Variants in AUTS2 observed in about 807,000 individuals in gnomAD.
AUTS2 encodes the protein activator of transcription and developmental regulator AUTS2.
Under a neutral mutation model 112.4 loss-of-function variants are expected in AUTS2, and 17 were observed. That is an observed-to-expected ratio of 0.15 (90% CI 0.10 to 0.23). The LOEUF (loss-of-function observed/expected upper bound fraction) is 0.23, where lower values mean the gene tolerates loss of function less well. Ranked by LOEUF, AUTS2 falls within the 10% of genes least tolerant of loss-of-function variation. The probability of loss-of-function intolerance (pLI) is 1.00; values close to 1 mark genes in which losing one functional copy is unlikely to be tolerated. For synonymous variants in AUTS2, 751 were observed against 702.7 expected (o/e 1.07, Z -1.09); for missense variants, 1,510 against 1,701.6 (o/e 0.89, Z 1.98).
intron 5 of AUTS2, among the ~76,000 whole-genome samples, chr7:70,652,654 G>A (rs765223385): frequency 2.6e-5 from 4 of 152,196 alleles, no homozygotes; most frequent in Non-Finnish European, 5.9e-5. Context: ...AGAGGCTGAG[G>A]CAGGAGGATC....
At chr7:70,189,576 G>A (rs1562775451) in intron 4 of AUTS2, among the ~76,000 whole-genome samples, 1 of 152,180 alleles carries the variant, frequency 6.6e-6, no homozygotes, top group Non-Finnish European at 1.5e-5. Context: ...AATCAGTGTA[G>A]CCCTGTGAAA....
At chr7:70,276,682 T>C (rs1362441708) in intron 4 of AUTS2, among the ~76,000 whole-genome samples, 13 of 152,102 alleles carry the variant, frequency 8.5e-5, no homozygotes, top group Admixed American at 2.6e-4. Context: ...CCTGGCCCAA[T>C]TTTGTGACCA....
intron 6 of AUTS2, among the ~76,000 whole-genome samples, chr7:70,752,365 C>A (rs1788921526): frequency 6.6e-6 from 1 of 152,094 alleles, no homozygotes; most frequent in African/African-American, 2.4e-5. Context: ...TCCTTCATAC[C>A]TTATTTCTCC....
At position 70,144,212 on chromosome 7, in the gene AUTS2, T is replaced by C. The variant is rs528074685; in HGVS notation, c.660+9641T>C. On this transcript the variant is annotated intron_variant, in intron 4 of 18. Transcript: ENST00000342771. ...TACTTTTTCCTACCTTTGTGGAAAA[T>C]AGACTCAACTTTGCCAAGAGAACTT... is the stretch of plus-strand genomic sequence containing the variant. Among the ~76,000 whole-genome samples, 3 of 152,204 alleles carry C rather than the reference T, an allele frequency of 2.0e-5. No individual in the cohort carries two copies. The East Asian group carries it at 5.8e-4, about 29-fold the overall frequency.
At chr7:69,780,111 C>G (rs1261772721) in intron 1 of AUTS2, among the ~76,000 whole-genome samples, 2 of 152,136 alleles carry the variant, frequency 1.3e-5, no homozygotes, top group Non-Finnish European at 2.9e-5. Flanking sequence ...CCACTTTGGC[C>G]TCCCCAAATA....
chr7:70,366,765 G>A (rs1032310649), intron 4 of AUTS2, among the ~76,000 whole-genome samples: 2 of 152,140 alleles, frequency 1.3e-5, no homozygotes, highest in Admixed American at 1.3e-4. Flanking sequence ...TGTGGAGAAC[G>A]GAGAAACAAA....
chr7:70,535,706 C>T lies in AUTS2; in HGVS notation c.690+99925C>T, dbSNP rs74300627. Among the ~76,000 whole-genome samples the T allele has an allele frequency of 8.1e-4, 124 of 152,286 alleles. 2 individuals are homozygous for T. In the East Asian group the frequency reaches 0.023, roughly 28 times the overall value. Reference sequence around the variant, plus strand: ...CTGAGATTACAGGCGTGAGCCACTGCGCCCAGCCTGTTGTGTTGTTTTCAT... The same window carrying T: ...CTGAGATTACAGGCGTGAGCCACTGTGCCCAGCCTGTTGTGTTGTTTTCAT... On this transcript the variant is annotated intron_variant, in intron 5 of 18. Transcript: ENST00000342771.
intron 2 of AUTS2, among the ~76,000 whole-genome samples, chr7:70,084,697 TA>T (rs1803501771): frequency 6.6e-6 from 1 of 152,228 alleles, no homozygotes; most frequent in South Asian, 2.1e-4. Context: ...ATTCTGTTTA[TA>T]TCTTTTGCCA....
intron 5 of AUTS2, among the ~76,000 whole-genome samples, chr7:70,615,565 C>CTTGTTGTTGTTG (rs57037063): frequency 4.6e-4 from 69 of 148,590 alleles, no homozygotes; most frequent in East Asian, 2.0e-3. Flanking sequence ...AGATTTATGG[C>CTTGTTGTTGTTG]TTGTTGTTGT....
chr7:70,697,854 G>A (rs1292884503), intron 5 of AUTS2, among the ~76,000 whole-genome samples: 1 of 152,090 alleles, frequency 6.6e-6, no homozygotes, highest in Non-Finnish European at 1.5e-5. Flanking sequence ...TTATTTTCCA[G>A]AACATTAGTG....
rs573256063 is a variant in AUTS2 at position 70,310,335 on chromosome 7, A to G, written c.661-125417A>G. On this transcript the variant is annotated intron_variant, in intron 4 of 18. Transcript: ENST00000342771. ...TAAGAAATAAGTCAGCTGAGGCCGG[A>G]CGCGGTGGCTCACGCCTGTAATCCC... Among the ~76,000 whole-genome samples the G allele has an allele frequency of 7.9e-5, 12 of 152,028 alleles. No individual in the cohort carries two copies. The East Asian group carries it at 1.2e-3, about 15-fold the overall frequency.
intron 3 of AUTS2, among the ~76,000 whole-genome samples, chr7:70,120,557 G>T (rs529276131): frequency 6.6e-6 from 1 of 152,182 alleles, no homozygotes; most frequent in Admixed American, 6.5e-5. Flanking sequence ...TTTAATGTAA[G>T]ATCTCATTGA....
intron 2 of AUTS2, among the ~76,000 whole-genome samples, chr7:69,945,764 C>G (rs984353112): frequency 2.6e-5 from 4 of 152,100 alleles, no homozygotes; most frequent in African/African-American, 9.7e-5. Context: ...AAAGTTTGTA[C>G]CCTTTGATCA....
chr7:70,297,258 C>T (rs1380445533), intron 4 of AUTS2, among the ~76,000 whole-genome samples: 1 of 151,856 alleles, frequency 6.6e-6, no homozygotes, highest in African/African-American at 2.4e-5. Flanking sequence ...AAAGACTACT[C>T]TGTGGTCAAA....
chr7:70,376,025 A>T (rs1562921121), intron 4 of AUTS2, among the ~76,000 whole-genome samples: 1 of 152,114 alleles, frequency 6.6e-6, no homozygotes, highest in Admixed American at 6.5e-5. Context: ...TCGTTAAAAA[A>T]AAAAAAAAGA....
chr7:70,637,575 G>T (rs1188104801), intron 5 of AUTS2, among the ~76,000 whole-genome samples: 1 of 152,172 alleles, frequency 6.6e-6, no homozygotes, highest in Non-Finnish European at 1.5e-5. Flanking sequence ...CCAGGAAACT[G>T]GAGGAATATA....
At chr7:70,412,916 G>A (rs184483008) in intron 4 of AUTS2, among the ~76,000 whole-genome samples, 11 of 152,314 alleles carry the variant, frequency 7.2e-5, no homozygotes, top group African/African-American at 2.2e-4. Context: ...GCTTGAACCC[G>A]GGGGTCAGAG....
At chr7:70,734,554 CAT>C (rs1429131944) in intron 6 of AUTS2, among the ~76,000 whole-genome samples, 1 of 151,970 alleles carries the variant, frequency 6.6e-6, no homozygotes, top group Non-Finnish European at 1.5e-5. Flanking sequence ...TTTGGCGGGA[CAT>C]ATGGTTTGGC....
chr7:70,740,303 G>A (rs1166185475), intron 6 of AUTS2, among the ~76,000 whole-genome samples: 3 of 152,202 alleles, frequency 2.0e-5, no homozygotes, highest in African/African-American at 7.2e-5. Flanking sequence ...TACACGTGGT[G>A]CTATTGCAGC....
Sources: gnomAD v4.1 joint callset for allele counts (sites outside exome capture counted in the v4.1 genomes callset) on GRCh38, gnomAD v4.1.1 for gene constraint, MANE v1.5 for transcripts, NCBI Gene and HGNC (gene_info 2026-07-23, HGNC 2026-07-21) for gene names.